Variants in SLX9 observed in about 807,000 individuals in gnomAD.
SLX9 encodes SLX9 ribosome biogenesis factor.
In SLX9, 19 loss-of-function variants were observed where a neutral mutation model predicts 20.8. The observed-to-expected ratio is 0.91, with a 90% CI of 0.64 to 1.34. SLX9 has a LOEUF of 1.34. SLX9 is among the 40% of genes most tolerant of loss of function. The pLI, the probability that SLX9 is intolerant of heterozygous loss-of-function variation, is 0.00. For synonymous variants in SLX9, 113 were observed against 137.1 expected (o/e 0.82, Z 1.23); for missense variants, 299 against 322.2 (o/e 0.93, Z 0.55).
chr21:44,954,313 G>T (rs1157913431), intron 2 of SLX9, among the ~76,000 whole-genome samples: 1 of 152,168 alleles, frequency 6.6e-6, no homozygotes, highest in Non-Finnish European at 1.5e-5. Context: ...GCCGAGCGTT[G>T]TGTGGGTGCC....
intron 4 of SLX9, among the ~76,000 whole-genome samples, chr21:44,970,531 C>G (rs574094177): frequency 6.6e-6 from 1 of 152,324 alleles, no homozygotes; most frequent in South Asian, 2.1e-4. Flanking sequence ...GTGTGAGACC[C>G]TGAGATCTGG....
At chr21:44,941,279 G>T (rs937221734) in intron 1 of SLX9, among the ~76,000 whole-genome samples, 14 of 151,636 alleles carry the variant, frequency 9.2e-5, no homozygotes, top group African/African-American at 3.4e-4. Context: ...GTAGGAGCAG[G>T]TGGGCCTTCT....
intron 2 of SLX9, chr21:44,959,274 A>T (rs2084912043): frequency 1.0e-6 from 1 of 984,930 alleles, no homozygotes; most frequent in Non-Finnish European, 1.2e-6. Flanking sequence ...ATTAAAAGAG[A>T]TACTGGGAGA....
chr21:44,973,241 G>A lies in SLX9; in HGVS notation c.545G>A (p.Ser182Asn). 6.2e-7 allele frequency: 1 copy of A among 1,612,772 alleles called. No individual in the cohort carries two copies. Among genetic ancestry groups the A allele is most frequent in the Non-Finnish European group, 8.5e-7 (1 of 1,179,732 alleles). ...KPRPSELSRM[S>N]AAQRQQLLEE... is the part of the protein sequence containing the mutation. Reference sequence around the variant, plus strand: ...CGGCCCTCAGAGCTCAGCCGGATGAGCGCAGCCCAGAGACAGCAGCTTCTG... The same window carrying A: ...CGGCCCTCAGAGCTCAGCCGGATGAACGCAGCCCAGAGACAGCAGCTTCTG... The change falls in exon 5 of 6, where the codon AGC (serine) becomes AAC (asparagine). Residue 182 changes from serine to asparagine, a missense_variant. By Grantham distance (46) the Ser-to-Asn change is conservative (BLOSUM62 1). Transcript: ENST00000291634.
At chr21:44,939,968 C>T, upstream of SLX9, 2 of 1,306,858 alleles carry the variant, frequency 1.5e-6, no homozygotes, top group Non-Finnish European at 2.0e-6. Context: ...GGGCTCCCGG[C>T]AGCCGCGGCT....
Position 44,973,211 on chromosome 21 carries a change from A to C in SLX9, c.515A>C (p.Lys172Thr). 2 of 1,613,140 alleles carry C rather than the reference A, an allele frequency of 1.2e-6. No individual in the cohort carries two copies. Among genetic ancestry groups the C allele is most frequent in the South Asian group, 2.2e-5 (2 of 91,076 alleles). ...RRQARSRESN[K>T]PRPSELSRMS... ...TGTGTCCACAGCAGGGAGAGCAACA[A>C]GCCCCGGCCCTCAGAGCTCAGCCGG... The change falls in exon 5 of 6, where the codon AAG becomes ACG. Residue 172 changes from lysine (K) to threonine (T), a missense_variant. By Grantham distance (78) the Lys-to-Thr change is moderately conservative (BLOSUM62 -1). Transcript: ENST00000291634.
intron 3 of SLX9, 26 bp from the exon 4 acceptor site, chr21:44,967,008 C>T (rs1444301170): frequency 6.3e-7 from 1 of 1,593,434 alleles, no homozygotes; most frequent in Non-Finnish European, 8.5e-7. Context: ...TCTTGTTTGC[C>T]TCTAACGTCG....
At chr21:44,976,547 G>T in intron 5 of SLX9, 133 bp from the exon 6 acceptor site, 1 of 1,373,158 alleles carries the variant, frequency 7.3e-7, no homozygotes, top group South Asian at 1.5e-5. Flanking sequence ...GGAAGTTTCC[G>T]AGGCCCCAGT....
chr21:44,956,729 C>T (rs942104065), intron 2 of SLX9, among the ~76,000 whole-genome samples: 13 of 152,252 alleles, frequency 8.5e-5, no homozygotes, highest in Non-Finnish European at 1.8e-4. Context: ...CATCAGAACA[C>T]GTGCCCCGTG....
At chr21:44,949,995 A>G (rs1378762162) in intron 2 of SLX9, among the ~76,000 whole-genome samples, 1 of 152,132 alleles carries the variant, frequency 6.6e-6, no homozygotes, top group Non-Finnish European at 1.5e-5. Flanking sequence ...CAGTCCCGGG[A>G]TAGAGACGCA....
chr21:44,948,830 C>G (rs1208468026), intron 2 of SLX9, among the ~76,000 whole-genome samples: 1 of 152,230 alleles, frequency 6.6e-6, no homozygotes. Flanking sequence ...GAGCTCAGCT[C>G]ATGCTACTGG....
At chr21:44,973,176 G>A (rs755408784) in intron 4 of SLX9, 21 bp from the exon 5 acceptor site, 3 of 1,613,014 alleles carry the variant, frequency 1.9e-6, no homozygotes, top group East Asian at 4.5e-5. Flanking sequence ...GCTGACTCAC[G>A]TGGCTTCTCT....
At chr21:44,955,779 C>G (rs2084846320) in intron 2 of SLX9, among the ~76,000 whole-genome samples, 1 of 152,198 alleles carries the variant, frequency 6.6e-6, no homozygotes, top group Non-Finnish European at 1.5e-5. Flanking sequence ...GTTTTGTTGT[C>G]CGATGCACCC....
intron 4 of SLX9, among the ~76,000 whole-genome samples, chr21:44,968,403 C>T (rs1403228938): frequency 6.6e-6 from 1 of 152,268 alleles, no homozygotes; most frequent in East Asian, 1.9e-4. Context: ...TGCCAGCCTG[C>T]TGTGGTGTGT....
chr21:44,949,515 T>C (rs1370760617), intron 2 of SLX9, among the ~76,000 whole-genome samples: 1 of 151,906 alleles, frequency 6.6e-6, no homozygotes, highest in Non-Finnish European at 1.5e-5. Flanking sequence ...GAACCCTCTG[T>C]GCAGCAGCAG....
In SLX9 at chr21:44,972,713, G is replaced by T. The variant is rs74791872; in HGVS notation, c.501-484G>T. Among the ~76,000 whole-genome samples, 1,493 of 152,342 alleles carry T rather than the reference G, an allele frequency of 9.8e-3. 35 individuals are homozygous for T. The highest frequency in any genetic ancestry group is 0.034 in the African/African-American group (1,401 of 41,582). Reference sequence around the variant, plus strand: ...TGGGGACATGTAGGCTTGGGTGGGTGACTCAGCCTTCCTGGGAAGTGGTGT... The same window carrying T: ...TGGGGACATGTAGGCTTGGGTGGGTTACTCAGCCTTCCTGGGAAGTGGTGT... On this transcript the variant is annotated intron_variant, in intron 4 of 5. Transcript: ENST00000291634.
At chr21:44,960,358 G>A (rs1237697006) in intron 3 of SLX9, among the ~76,000 whole-genome samples, 190 bp downstream of exon 3, 7 of 152,216 alleles carry the variant, frequency 4.6e-5, no homozygotes. Flanking sequence ...AGAGAGGTTG[G>A]CCATGAAGAC....
intron 5 of SLX9, among the ~76,000 whole-genome samples, chr21:44,975,587 A>G (rs2085247073): frequency 6.6e-6 from 1 of 152,240 alleles, no homozygotes; most frequent in Admixed American, 6.5e-5. Context: ...CCACAGTGCT[A>G]AGAACCTGGC....
intron 2 of SLX9, among the ~76,000 whole-genome samples, chr21:44,947,779 G>A (rs1015414041): frequency 1.3e-5 from 2 of 152,154 alleles, no homozygotes; most frequent in Non-Finnish European, 2.9e-5. Flanking sequence ...CATGGGTGCA[G>A]GGCTGAGGCT....
Sources: gnomAD v4.1 joint callset for allele counts (sites outside exome capture counted in the v4.1 genomes callset) on GRCh38, gnomAD v4.1.1 for gene constraint, MANE v1.5 for transcripts, NCBI Gene and HGNC (gene_info 2026-07-23, HGNC 2026-07-21) for gene names.